PDGFRB: variants seen among roughly 807,000 people sequenced by gnomAD.
PDGFRB encodes the protein platelet derived growth factor receptor beta.
In PDGFRB, 42 loss-of-function variants were observed where a neutral mutation model predicts 120.2. The ratio of observed to expected loss-of-function variants is 0.35; its 90% CI spans 0.27 to 0.45. The LOEUF (loss-of-function observed/expected upper bound fraction) is 0.45. PDGFRB is among the 20% of genes least tolerant of loss of function. PDGFRB has a pLI of 1.00. For missense variants in PDGFRB, 1,149 were observed against 1,476.3 expected (o/e 0.78, Z 3.63); for synonymous variants, 586 against 606.8 (o/e 0.97, Z 0.50).
At chr5:150,152,721 C>T (rs1285273233) in intron 1 of PDGFRB, among the ~76,000 whole-genome samples, 2 of 152,216 alleles carry the variant, frequency 1.3e-5, no homozygotes, top group Non-Finnish European at 1.5e-5. Flanking sequence ...ACATGGTGTC[C>T]AGGTCCCTTC....
At chr5:150,146,597 AC>A (rs568544070) in intron 1 of PDGFRB, among the ~76,000 whole-genome samples, 206 of 152,228 alleles carry the variant, frequency 1.4e-3, no homozygotes, top group African/African-American at 4.8e-3. Context: ...ACGCTGGAGT[AC>A]AGTGGTGTGG....
At chr5:150,125,385 G>T (rs904728335) in intron 12 of PDGFRB, 60 bp downstream of exon 12, 220 of 1,504,656 alleles carry the variant, frequency 1.5e-4, no homozygotes, top group Middle Eastern at 7.3e-4. Flanking sequence ...CCAGACCTCA[G>T]AGAGTCTTCC....
chr5:150,134,011 G>C lies in PDGFRB; in HGVS notation c.632-3C>G. 1 of 1,613,960 alleles carries C rather than the reference G, an allele frequency of 6.2e-7. No homozygotes were observed. Among genetic ancestry groups the C allele is most frequent in the South Asian group, 1.1e-5 (1 of 91,084 alleles). On this transcript the variant is annotated splice_polypyrimidine_tract_variant and splice_region_variant and intron_variant, in intron 4 of 22. Transcript: ENST00000261799. ...CACAGAGACGTTGATGGATGACACT[G>C]GTAGAGAGAGATTGGCTTAGGTCTG... is the stretch of plus-strand genomic sequence containing the variant.
rs1760578529 is a variant in PDGFRB, at chr5:150,134,905, G to A, written c.476C>T (p.Thr159Ile). ...CRVTDPQLVV[T>I]LHEKKGDVAL... ...AACGTCCCCTTTCTTCTCGTGCAGT[G>A]TCACCACCAGCTGTGGGTCTGTTAC... The change falls in exon 4 of 23, where the codon ACA (threonine) becomes ATA (isoleucine). Residue 159 changes from threonine to isoleucine, a missense_variant. Thr to Ile is a moderately conservative substitution (Grantham distance 89, BLOSUM62 -1). This residue lies in a region of PDGFRB where 879 missense variants were observed against 1,108.6 expected (regional missense o/e 0.79). Coordinates refer to ENST00000261799, the MANE Select transcript of PDGFRB (RefSeq NM_002609.4). The A allele has an allele frequency of 1.2e-6, 2 of 1,613,974 alleles. No homozygotes were observed. The highest frequency in any genetic ancestry group is 8.5e-7 in the Non-Finnish European group (1 of 1,179,820).
intron 1 of PDGFRB, among the ~76,000 whole-genome samples, chr5:150,148,509 G>T (rs1760985687): frequency 6.6e-6 from 1 of 152,246 alleles, no homozygotes; most frequent in African/African-American, 2.4e-5. Context: ...CAGACATATG[G>T]CACTCTGAAG....
rs1760093815 is a variant in PDGFRB at position 150,120,398 on chromosome 5, C to T, written c.2587-275G>A. ...GGTCTGAGTAGTGAAGTGTGGGAGC[C>T]AGGGACTTGTCAAGGCACCCCCCAA... On this transcript the variant is annotated intron_variant, in intron 18 of 22. Coordinates refer to ENST00000261799, the MANE Select transcript of PDGFRB (RefSeq NM_002609.4). This position sits in a 1 kb window ranked among gnomAD's most constrained non-coding sequence, Gnocchi z 4.3. Among the ~76,000 whole-genome samples, 1 of 152,174 alleles carries T rather than the reference C, an allele frequency of 6.6e-6. No homozygotes were observed. The highest frequency in any genetic ancestry group is 1.9e-4 in the East Asian group (1 of 5,194).
rs1017375 is a variant in PDGFRB, at chr5:150,114,958, G to A, written c.*805C>T. On this transcript the variant is annotated 3_prime_UTR_variant, in exon 23 of 23. Coordinates refer to ENST00000261799, the MANE Select transcript of PDGFRB (RefSeq NM_002609.4). ...ACATTTACATTCTCATCACAGATGC[G>A]GGGCCCGTCTGGCCTTCTAGACTCT... is the stretch of plus-strand genomic sequence containing the variant. 0.077 allele frequency: 17,981 copies of A among 233,018 alleles called. 1,232 individuals are homozygous for A. The highest frequency in any genetic ancestry group is 0.2 in the African/African-American group (9,265 of 45,324). 14.4% of individuals were successfully genotyped at this position (233,018 alleles called of 1,614,324 possible). A position where few individuals can be genotyped will look rare whatever the true frequency, so the allele number is the denominator to read the frequency against.
At chr5:150,117,534 G>GCC (rs1321451065) in intron 22 of PDGFRB, 84 bp downstream of exon 22, 2 of 646,378 alleles carry the variant, frequency 3.1e-6, no homozygotes, top group African/African-American at 3.0e-5. Context: ...GGCAGCGCGC[G>GCC]CGCGCGCGCG....
chr5:150,122,968 T>A, intron 15 of PDGFRB, 74 bp downstream of exon 15: 1 of 1,375,196 alleles, frequency 7.3e-7, no homozygotes, highest in Non-Finnish European at 1.0e-6. Context: ...CTTCCCCTCC[T>A]GGACAAAAGG....
rs551041976 is a variant in PDGFRB at position 150,140,453 on chromosome 5, C to T, written c.-6-3400G>A. Among the ~76,000 whole-genome samples the T allele has an allele frequency of 3.9e-5, 6 of 152,336 alleles. No individual in the cohort carries two copies. In the South Asian group the frequency reaches 1.0e-3, roughly 26 times the overall value. On this transcript the variant is annotated intron_variant, in intron 1 of 22. Transcript: ENST00000261799. Reference sequence around the variant, plus strand: ...GGCACCCCTAGGTGTCCCCCTTTTGCCCATGAAGAGAGTGCTATGTGCCAG... The same window carrying T: ...GGCACCCCTAGGTGTCCCCCTTTTGTCCATGAAGAGAGTGCTATGTGCCAG...
intron 1 of PDGFRB, 99 bp downstream of exon 1, chr5:150,155,298 T>G (rs865902954): frequency 2.1e-5 from 1 of 47,478 alleles, no homozygotes; most frequent in South Asian, 5.5e-4. Context: ...ATATCTTCCC[T>G]TTTTTTTTTT....
At position 150,122,707 on chromosome 5, in the gene PDGFRB, C is replaced by T. The variant is rs548690961; in HGVS notation, c.2183+335G>A. Among the ~76,000 whole-genome samples, 254 of 152,334 alleles carry T rather than the reference C, an allele frequency of 1.7e-3. 1 individual carries two copies. Among genetic ancestry groups the T allele is most frequent in the African/African-American group, 5.8e-3 (243 of 41,586 alleles). ...GTAGAGGCTGCAGAGAGGAACACAG[C>T]CTGGAGCACCACTGTGCAAATTGGG... On this transcript the variant is annotated intron_variant, in intron 15 of 22. Transcript: ENST00000261799.
chr5:150,137,275 G>T, intron 1 of PDGFRB: 1 of 514,752 alleles, frequency 1.9e-6, no homozygotes, highest in Non-Finnish European at 3.5e-6. Flanking sequence ...CCTGGCCTTT[G>T]CTTTGGCTCT....
intron 1 of PDGFRB, among the ~76,000 whole-genome samples, chr5:150,150,302 C>A (rs1412119458): frequency 2.0e-5 from 3 of 152,188 alleles, no homozygotes; most frequent in Non-Finnish European, 2.9e-5. Flanking sequence ...CCCTTCCCCT[C>A]TCTGGACCTT....
At position 150,155,591 on chromosome 5, in the gene PDGFRB, G is replaced by A; in HGVS notation, c.-201C>T. The A allele has an allele frequency of 2.5e-6, 1 of 398,906 alleles. No individual in the cohort carries two copies. The allele number at this position is 398,906 out of a possible 1,614,324, so 24.7% of individuals were successfully genotyped here. ...TCAGGAGAACAGAGGGATGGAGGAA[G>A]GGGGCTGCTGTAGGGGAGAGGAGCG... On this transcript the variant is annotated 5_prime_UTR_variant, in exon 1 of 23. Transcript: ENST00000261799.
intron 14 of PDGFRB, 62 bp downstream of exon 14, chr5:150,124,188 G>A: frequency 8.9e-7 from 1 of 1,127,050 alleles, no homozygotes; most frequent in Admixed American, 1.8e-5. Flanking sequence ...GGGGGGGTAG[G>A]CGGGGCCTGG....
Position 150,130,582 on chromosome 5 carries a change from G to A in PDGFRB, c.1324C>T (p.Pro442Ser), listed in dbSNP as rs2113904081. 6.2e-7 allele frequency: 1 copy of A among 1,612,228 alleles called. No individual in the cohort carries two copies. The change falls in exon 9 of 23, where the codon CCC becomes TCC. Residue 442 changes from proline (P) to serine (S), a missense_variant. This residue lies in a region of PDGFRB where 879 missense variants were observed against 1,108.6 expected (regional missense o/e 0.79). Transcript: ENST00000261799. The part of the protein sequence containing the change: ...QTVRCRGRGM[P>S]QPNIIWSACR... ...GCAGACCAGATGATGTTCGGCTGGGGCATGCCCCGGCCACGACAGCGGACT... is the reference window on the plus strand; with the variant it reads ...GCAGACCAGATGATGTTCGGCTGGGACATGCCCCGGCCACGACAGCGGACT...
intron 1 of PDGFRB, among the ~76,000 whole-genome samples, chr5:150,146,552 CT>C (rs1562026776): frequency 1.3e-5 from 2 of 152,116 alleles, no homozygotes. Flanking sequence ...TATATTCTTT[CT>C]TTTTTTTAGA....
At position 150,117,544 on chromosome 5, in the gene PDGFRB, G is replaced by GCGCACGCA. The variant is rs369019315; in HGVS notation, c.3137+73_3137+74insTGCGTGCG. The GCGCACGCA allele has an allele frequency of 2.5e-3, 1,281 of 516,204 alleles. 1 individual carries two copies. The highest frequency in any genetic ancestry group is 3.5e-3 in the Non-Finnish European group (1,047 of 300,292). The allele number at this position is 516,204 out of a possible 1,614,324, so 32.0% of individuals were successfully genotyped here. A position where few individuals can be genotyped will look rare whatever the true frequency, so the allele number is the denominator to read the frequency against. ...AACCTGGCAGCGCGCGCGCGCGCGC[G>GCGCACGCA]CACACACACACACACACACACACAC... On this transcript the variant is annotated intron_variant, in intron 22 of 22. Coordinates refer to ENST00000261799, the MANE Select transcript of PDGFRB (RefSeq NM_002609.4).
Sources: gnomAD v4.1 joint callset for allele counts (sites outside exome capture counted in the v4.1 genomes callset) on GRCh38, gnomAD v4.1.1 for gene constraint, gnomAD v4.1.1 regional missense constraint, Gnocchi (gnomAD v3.1) non-coding constraint, MANE v1.5 for transcripts, NCBI Gene and HGNC (gene_info 2026-07-23, HGNC 2026-07-21) for gene names.